ZNF804A: variants seen among roughly 807,000 people sequenced by gnomAD.
The protein encoded by ZNF804A is zinc finger protein 804A.
A neutral mutation model predicts 16.5 loss-of-function variants in ZNF804A; 2 were observed. The ratio of observed to expected loss-of-function variants is 0.12; its 90% confidence interval spans 0.05 to 0.38. The LOEUF (loss-of-function observed/expected upper bound fraction) is 0.38. ZNF804A is among the 10% of genes least tolerant of loss of function. The probability of loss-of-function intolerance (pLI) is 0.99; values close to 1 mark genes in which losing one functional copy is unlikely to be tolerated. For synonymous variants in ZNF804A, 534 were observed against 489.6 expected (o/e 1.09, Z -1.20); for missense variants, 1,473 against 1,390.7 (o/e 1.06, Z -0.94).
At chr2:184,790,056 T>G (rs925409657) in intron 1 of ZNF804A, among the ~76,000 whole-genome samples, 4 of 152,104 alleles carry the variant, frequency 2.6e-5, no homozygotes, top group African/African-American at 9.6e-5. Context: ...ATATTTTTTA[T>G]TTCTGCCTTT....
chr2:184,811,715 C>G lies in ZNF804A; in HGVS notation c.112-54654C>G, dbSNP rs536037420. On this transcript the variant is annotated intron_variant, in intron 1 of 3. Coordinates refer to ENST00000302277, the MANE Select transcript of ZNF804A (RefSeq NM_194250.2). ...CTCCATCCTGGGCAACATAGTGAGACACTATCTCCAAAAAAGTAATAATAA... is the reference window on the plus strand; with the variant it reads ...CTCCATCCTGGGCAACATAGTGAGAGACTATCTCCAAAAAAGTAATAATAA... Among the ~76,000 whole-genome samples, 3 of 152,148 alleles carry G rather than the reference C, an allele frequency of 2.0e-5. No homozygotes were observed. In the South Asian group the frequency reaches 6.2e-4, roughly 32 times the overall value.
At chr2:184,766,647 G>T (rs1461696281) in intron 1 of ZNF804A, among the ~76,000 whole-genome samples, 3 of 150,224 alleles carry the variant, frequency 2.0e-5, no homozygotes, top group Non-Finnish European at 1.5e-5. Context: ...AAAAAAAAGA[G>T]AATTACCTTA....
intron 1 of ZNF804A, among the ~76,000 whole-genome samples, chr2:184,729,053 G>C (rs1420858107): frequency 6.6e-6 from 1 of 151,868 alleles, no homozygotes; most frequent in Non-Finnish European, 1.5e-5. Context: ...AGGGATTGGG[G>C]AGATGTTACT....
intron 1 of ZNF804A, among the ~76,000 whole-genome samples, chr2:184,838,182 T>C (rs1695383453): frequency 6.6e-6 from 1 of 151,976 alleles, no homozygotes; most frequent in Admixed American, 6.6e-5. Context: ...AATTCTAGAG[T>C]TCAGCAGCTT....
chr2:184,935,736 T>C (rs1384143163), intron 3 of ZNF804A, 47 bp from the exon 4 acceptor site: 1 of 1,493,478 alleles, frequency 6.7e-7, no homozygotes. Flanking sequence ...CTATTTTTTT[T>C]TCTCAAAAGT....
chr2:184,799,301 C>A lies in ZNF804A; in HGVS notation c.112-67068C>A, dbSNP rs150039687. ...TCCGCCATGATGATTCCTGATGCAC[C>A]GATTGATTTTTTTTAATGTCAAACT... On this transcript the variant is annotated intron_variant, in intron 1 of 3. Transcript: ENST00000302277. Among the ~76,000 whole-genome samples, 9 of 151,926 alleles carry A rather than the reference C, an allele frequency of 5.9e-5. No individual in the cohort carries two copies. In the East Asian group the frequency reaches 1.5e-3, roughly 26 times the overall value.
At chr2:184,695,513 T>C (rs936799906) in intron 1 of ZNF804A, among the ~76,000 whole-genome samples, 3 of 150,812 alleles carry the variant, frequency 2.0e-5, no homozygotes, top group Admixed American at 6.6e-5. Context: ...TTAAACTTTT[T>C]TTAAGAGACA....
At chr2:184,610,640 T>C (rs886744431) in intron 1 of ZNF804A, among the ~76,000 whole-genome samples, 1 of 152,092 alleles carries the variant, frequency 6.6e-6, no homozygotes. Context: ...TACTGTAAAA[T>C]TACATTTGTG....
At chr2:184,892,241 A>T (rs574630649) in intron 2 of ZNF804A, among the ~76,000 whole-genome samples, 3 of 152,276 alleles carry the variant, frequency 2.0e-5, no homozygotes, top group Admixed American at 2.0e-4. Context: ...AATTTTTATC[A>T]CCTAATAAAT....
At chr2:184,629,609 G>A (rs1253093740) in intron 1 of ZNF804A, among the ~76,000 whole-genome samples, 1 of 152,070 alleles carries the variant, frequency 6.6e-6, no homozygotes, top group East Asian at 1.9e-4. Flanking sequence ...TCAGTTGTAT[G>A]TAACATTAAA....
intron 2 of ZNF804A, 23 bp from the exon 3 acceptor site, chr2:184,933,580 A>G (rs374552783): frequency 1.5e-5 from 23 of 1,569,780 alleles, no homozygotes; most frequent in Non-Finnish European, 2.0e-5. Context: ...ACAATTAATC[A>G]TTTTCCAACT....
intron 1 of ZNF804A, among the ~76,000 whole-genome samples, chr2:184,682,850 A>T (rs901614246): frequency 6.6e-6 from 1 of 152,148 alleles, no homozygotes; most frequent in East Asian, 1.9e-4. Context: ...CTACAAAAAA[A>T]TACAAAAATT....
At chr2:184,886,022 C>A (rs1405589093) in intron 2 of ZNF804A, among the ~76,000 whole-genome samples, 1 of 152,172 alleles carries the variant, frequency 6.6e-6, no homozygotes, top group Non-Finnish European at 1.5e-5. Flanking sequence ...TGCCAGAAGT[C>A]CACAGTCCAA....
chr2:184,621,071 T>G (rs1691410079), intron 1 of ZNF804A, among the ~76,000 whole-genome samples: 1 of 151,510 alleles, frequency 6.6e-6, no homozygotes, highest in Non-Finnish European at 1.5e-5. Flanking sequence ...AGTCTGTCAG[T>G]TTTGGAATTT....
At chr2:184,751,510 G>T (rs1299690140) in intron 1 of ZNF804A, among the ~76,000 whole-genome samples, 1 of 151,288 alleles carries the variant, frequency 6.6e-6, no homozygotes, top group East Asian at 1.9e-4. Context: ...CTAAAAATAG[G>T]CACGTGACAC....
At chr2:184,759,334 C>G (rs929878112) in intron 1 of ZNF804A, among the ~76,000 whole-genome samples, 11 of 151,532 alleles carry the variant, frequency 7.3e-5, no homozygotes, top group African/African-American at 2.7e-4. Context: ...GGAAAAAAGT[C>G]TGTAGTTGAG....
intron 1 of ZNF804A, among the ~76,000 whole-genome samples, chr2:184,719,947 GTAT>G (rs1248817782): frequency 6.6e-6 from 1 of 152,094 alleles, no homozygotes; most frequent in Non-Finnish European, 1.5e-5. Context: ...TCAATGTAAA[GTAT>G]TATTTTGTTT....
At chr2:184,809,256 T>C (rs904335814) in intron 1 of ZNF804A, among the ~76,000 whole-genome samples, 2 of 151,814 alleles carry the variant, frequency 1.3e-5, no homozygotes, top group Admixed American at 1.3e-4. Flanking sequence ...AATTATTATT[T>C]TTATTTTATT....
At chr2:184,845,420 C>A (rs1341763014) in intron 1 of ZNF804A, among the ~76,000 whole-genome samples, 1 of 151,886 alleles carries the variant, frequency 6.6e-6, no homozygotes, top group African/African-American at 2.4e-5. Context: ...GAATTTTTTT[C>A]TTTCTCCCCC....
Sources: gnomAD v4.1 joint callset for allele counts (sites outside exome capture counted in the v4.1 genomes callset) on GRCh38, gnomAD v4.1.1 for gene constraint, MANE v1.5 for transcripts, NCBI Gene and HGNC (gene_info 2026-07-23, HGNC 2026-07-21) for gene names.